Variants in DYNC2I1 observed in about 807,000 individuals in gnomAD.
DYNC2I1 encodes the protein dynein 2 intermediate chain 1.
In DYNC2I1, 89 loss-of-function variants were observed where a neutral mutation model predicts 133.4. The observed-to-expected ratio is 0.67, with a 90% CI of 0.56 to 0.80. The LOEUF (loss-of-function observed/expected upper bound fraction) is 0.80, where lower values mean the gene tolerates loss of function less well. Among genes scored for constraint, DYNC2I1 ranks in the 30% least tolerant of loss-of-function variants. DYNC2I1 has a pLI of 0.00. For synonymous variants in DYNC2I1, 504 were observed against 484.3 expected (o/e 1.04, Z -0.54); for missense variants, 1,291 against 1,314.5 (o/e 0.98, Z 0.28).
chr7:158,946,507 C>A (rs1014844258), downstream of DYNC2I1, among the ~76,000 whole-genome samples: 1 of 152,262 alleles, frequency 6.6e-6, no homozygotes, highest in African/African-American at 2.4e-5. Flanking sequence ...CTGCTTTCCG[C>A]AGTACCTCAT....
chr7:158,865,084 G>C (rs1048264541), intron 1 of DYNC2I1, among the ~76,000 whole-genome samples: 5 of 152,234 alleles, frequency 3.3e-5, no homozygotes, highest in Non-Finnish European at 4.4e-5. Context: ...CACTCGTAGT[G>C]GGGGTCGGAC....
chr7:158,859,146 C>T (rs1454641934), intron 1 of DYNC2I1, among the ~76,000 whole-genome samples: 1 of 149,950 alleles, frequency 6.7e-6, no homozygotes, highest in Non-Finnish European at 1.5e-5. Flanking sequence ...CAGGTGCGAG[C>T]TACCATGCCT....
chr7:158,877,718 A>G (rs1462719970), intron 4 of DYNC2I1, among the ~76,000 whole-genome samples: 1 of 151,770 alleles, frequency 6.6e-6, no homozygotes, highest in Non-Finnish European at 1.5e-5. Flanking sequence ...TTTATTTTTT[A>G]GAGACAGGGT....
intron 17 of DYNC2I1, among the ~76,000 whole-genome samples, chr7:158,925,493 T>C (rs767052607): frequency 6.6e-6 from 1 of 152,234 alleles, no homozygotes; most frequent in Non-Finnish European, 1.5e-5. Context: ...TTTCATCAGC[T>C]GAAATGCTTT....
In DYNC2I1 at chr7:158,867,913, G is replaced by A. The variant is rs563987599; in HGVS notation, c.16-1942G>A. On this transcript the variant is annotated intron_variant, in intron 1 of 24. Transcript: ENST00000407559. ...CTCCTCATCAGAAGTGTGGCAGGGCGGGCGGCTTGAGCTGAGGAGTTTGGG... is the reference window on the plus strand; with the variant it reads ...CTCCTCATCAGAAGTGTGGCAGGGCAGGCGGCTTGAGCTGAGGAGTTTGGG... Among the ~76,000 whole-genome samples, 143 of 152,224 alleles carry A rather than the reference G, an allele frequency of 9.4e-4. 1 individual carries two copies. The highest frequency in any genetic ancestry group is 3.5e-3 in the South Asian group (17 of 4,822).
intron 8 of DYNC2I1, among the ~76,000 whole-genome samples, chr7:158,897,229 C>T (rs1016267883): frequency 6.6e-6 from 1 of 151,322 alleles, no homozygotes; most frequent in African/African-American, 2.4e-5. Context: ...GGTAATTCAC[C>T]CATCTCAGAT....
At chr7:158,843,068 C>T in the DYNC2I1 span, among the ~76,000 whole-genome samples, 6 of 152,292 alleles carry the variant, frequency 3.9e-5, no homozygotes, top group South Asian at 4.1e-4. Context: ...ACAGGACCTC[C>T]GCTCCACCTT....
chr7:158,888,506 C>T, intron 7 of DYNC2I1, among the ~76,000 whole-genome samples: 1 of 152,138 alleles, frequency 6.6e-6, no homozygotes, highest in South Asian at 2.1e-4. Flanking sequence ...GAGTCTCACT[C>T]TGTTGCCCAG....
At position 158,866,393 on chromosome 7, in the gene DYNC2I1, G is replaced by A. The variant is rs1270842314; in HGVS notation, c.16-3462G>A. ...GTCCTGGGTGTCCCCTCTCTGTGGT[G>A]CCCACGTTTCCTGGTTGGACTGCCC... On this transcript the variant is annotated intron_variant, in intron 1 of 24. Transcript: ENST00000407559. 9.3e-5 allele frequency among the ~76,000 whole-genome samples: 14 copies of A among 151,132 alleles called. 1 individual carries two copies. Among genetic ancestry groups the A allele is most frequent in the Non-Finnish European group, 2.9e-5 (2 of 67,814 alleles).
intron 1 of DYNC2I1, among the ~76,000 whole-genome samples, chr7:158,864,164 TGAGACGTGA>T (rs1270419608): frequency 6.6e-6 from 1 of 151,912 alleles, no homozygotes; most frequent in East Asian, 1.9e-4. Context: ...TGGCGGGGAA[TGAGACGTGA>T]CCACTGTCAC....
intron 8 of DYNC2I1, among the ~76,000 whole-genome samples, chr7:158,896,730 C>T (rs1845790947): frequency 6.6e-6 from 1 of 152,188 alleles, no homozygotes; most frequent in South Asian, 2.1e-4. Context: ...GCCTTGGCCT[C>T]CCAGAGTGCT....
intron 15 of DYNC2I1, 70 bp from the exon 16 acceptor site, chr7:158,922,307 G>A (rs1849179704): frequency 3.4e-6 from 5 of 1,484,526 alleles, no homozygotes; most frequent in South Asian, 2.5e-5. Flanking sequence ...TTGAGTATTC[G>A]GAAGTGTGTT....
At chr7:158,870,454 A>G (rs1842781129) in intron 2 of DYNC2I1, among the ~76,000 whole-genome samples, 1 of 152,042 alleles carries the variant, frequency 6.6e-6, no homozygotes, top group African/African-American at 2.4e-5. Context: ...TCTGGGCCTG[A>G]GCTGTCCTCC....
chr7:158,858,995 C>T (rs928659232), intron 1 of DYNC2I1, among the ~76,000 whole-genome samples: 105 of 110,974 alleles, frequency 9.5e-4, no homozygotes, highest in Non-Finnish European at 1.2e-3. Context: ...CCCCCCCTTT[C>T]CTTTCCTCTC....
At chr7:158,885,133 G>GC (rs1294803854) in intron 6 of DYNC2I1, among the ~76,000 whole-genome samples, 1 of 152,058 alleles carries the variant, frequency 6.6e-6, no homozygotes, top group African/African-American at 2.4e-5. Context: ...GTCCCCCTCT[G>GC]CCCACTGTTT....
intron 14 of DYNC2I1, among the ~76,000 whole-genome samples, chr7:158,917,373 T>C (rs1167053822): frequency 8.1e-4 from 108 of 132,984 alleles, no homozygotes; most frequent in African/African-American, 2.1e-3. Flanking sequence ...ACACCTCCTG[T>C]CCTCCACACT....
chr7:158,926,380 T>C, intron 18 of DYNC2I1, 22 bp from the exon 19 acceptor site: 1 of 1,608,238 alleles, frequency 6.2e-7, no homozygotes, highest in Non-Finnish European at 8.5e-7. Context: ...CATTTCTTTC[T>C]TTTTGTTTCT....
chr7:158,852,108 G>A (rs914850078), upstream of DYNC2I1, among the ~76,000 whole-genome samples: 5 of 151,880 alleles, frequency 3.3e-5, no homozygotes, highest in Non-Finnish European at 7.4e-5. Flanking sequence ...AGAAGAGCTG[G>A]GCGCCTGAGA....
At chr7:158,856,772 G>A in intron 1 of DYNC2I1, 22 bp downstream of exon 1, 1 of 1,234,120 alleles carries the variant, frequency 8.1e-7, no homozygotes, top group Non-Finnish European at 1.0e-6. Flanking sequence ...GCTGGGTCTG[G>A]GCGAGGGGTG....
Sources: gnomAD v4.1 joint callset for allele counts (sites outside exome capture counted in the v4.1 genomes callset) on GRCh38, gnomAD v4.1.1 for gene constraint, MANE v1.5 for transcripts, NCBI Gene and HGNC (gene_info 2026-07-23, HGNC 2026-07-21) for gene names.